SMAD4: variants seen among roughly 807,000 people sequenced by gnomAD.
SMAD4 encodes the protein SMAD family member 4.
SMAD4 carries 7 observed loss-of-function variants against 63.2 expected under a neutral mutation model. The ratio of observed to expected loss-of-function variants is 0.11; its 90% CI spans 0.06 to 0.21. The LOEUF is 0.21. Among genes scored for constraint, SMAD4 ranks in the 10% least tolerant of loss-of-function variants. SMAD4 has a pLI of 1.00. For synonymous variants in SMAD4, 215 were observed against 235.4 expected, an observed-to-expected ratio of 0.91 and a Z score of 0.79; for missense variants, 312 against 693.8, an observed-to-expected ratio of 0.45 and a Z score of 6.18.
At chr18:51,050,016 A>C (rs922722585) in intron 4 of SMAD4, among the ~76,000 whole-genome samples, 6 of 152,140 alleles carry the variant, frequency 3.9e-5, no homozygotes, top group Non-Finnish European at 8.8e-5. Flanking sequence ...AACTTAATAA[A>C]CTAAAATTTC....
chr18:51,058,762 G>T (rs929490705), intron 7 of SMAD4, among the ~76,000 whole-genome samples: 8 of 151,968 alleles, frequency 5.3e-5, no homozygotes, highest in African/African-American at 1.9e-4. Context: ...TCTGTGTCTT[G>T]TATATCCACG....
intron 8 of SMAD4, 109 bp downstream of exon 8, chr18:51,060,025 C>T: frequency 6.3e-6 from 5 of 788,632 alleles, no homozygotes; most frequent in Non-Finnish European, 1.1e-5. Context: ...CAGATGAGTA[C>T]AATACTCATC....
In SMAD4 at chr18:51,049,293, A is replaced by G; in HGVS notation, c.425-2A>G. 1 of 1,578,424 alleles carries G rather than the reference A, an allele frequency of 6.3e-7. No individual in the cohort carries two copies. Among genetic ancestry groups the G allele is most frequent in the Non-Finnish European group, 8.7e-7 (1 of 1,148,632 alleles). On this transcript the variant is annotated splice_acceptor_variant, in intron 3 of 11. Coordinates refer to ENST00000342988, the MANE Select transcript of SMAD4 (RefSeq NM_005359.6). LOFTEE classifies it high-confidence loss of function. ...ATTTGTTTTCCCCTTTAAACAATTA[A>G]GATCTCTCAGGATTAACACTGCAGA...
chr18:51,071,792 C>T (rs994931049), intron 10 of SMAD4, among the ~76,000 whole-genome samples: 3 of 152,198 alleles, frequency 2.0e-5, no homozygotes, highest in African/African-American at 4.8e-5. Flanking sequence ...TCTCCATTTC[C>T]ATTAGCTCTA....
intron 10 of SMAD4, among the ~76,000 whole-genome samples, chr18:51,069,134 T>C (rs756446241): frequency 1.8e-4 from 28 of 152,296 alleles, no homozygotes; most frequent in Non-Finnish European, 3.5e-4. Flanking sequence ...TTATTATTTT[T>C]GAGACAGAGT....
intron 1 of SMAD4, among the ~76,000 whole-genome samples, chr18:51,036,736 G>T (rs756597689): frequency 9.2e-5 from 14 of 152,320 alleles, no homozygotes; most frequent in Non-Finnish European, 1.6e-4. Context: ...CTTCCAGAGT[G>T]TTTTTTAAAG....
rs1390512743 is a variant in SMAD4 at position 51,058,308 on chromosome 18, G to A, written c.788-32G>A. On this transcript the variant is annotated intron_variant, in intron 6 of 11. Coordinates refer to ENST00000342988, the MANE Select transcript of SMAD4 (RefSeq NM_005359.6). The stretch of plus-strand genomic sequence containing the variant: ...AAAAAAGTAGGCAGCCTTTATAAAA[G>A]CAAATTAACCCATGTGGGCCTTAAT... 4.3e-6 allele frequency: 7 copies of A among 1,610,558 alleles called. No homozygotes were observed. In the Admixed American group the frequency reaches 1.2e-4, roughly 27 times the overall value.
intron 8 of SMAD4, among the ~76,000 whole-genome samples, chr18:51,062,414 A>G (rs1910037593): frequency 1.3e-5 from 2 of 152,306 alleles, no homozygotes; most frequent in South Asian, 4.1e-4. Flanking sequence ...GTCTCTGTCA[A>G]AACCTCTTTC....
At chr18:51,038,759 C>T (rs993096720) in intron 1 of SMAD4, among the ~76,000 whole-genome samples, 11 of 152,040 alleles carry the variant, frequency 7.2e-5, no homozygotes, top group African/African-American at 1.5e-4. Context: ...TTTATATTAA[C>T]GTAATGGGTT....
chr18:51,076,441 T>A (rs1191936701), intron 10 of SMAD4, among the ~76,000 whole-genome samples, 197 bp from the exon 11 acceptor site: 3 of 152,196 alleles, frequency 2.0e-5, no homozygotes, highest in African/African-American at 2.4e-5. Context: ...TGACATGATC[T>A]TCTTGGTGAG....
At chr18:51,040,759 AAAC>A (rs760554968) in intron 1 of SMAD4, among the ~76,000 whole-genome samples, 2 of 152,230 alleles carry the variant, frequency 1.3e-5, no homozygotes, top group Non-Finnish European at 2.9e-5. Context: ...GCTAGAGGAA[AAAC>A]AACAGGCAGA....
At chr18:51,052,303 A>ACTG (rs1363160554) in intron 4 of SMAD4, 2 of 152,424 alleles carry the variant, frequency 1.3e-5, no homozygotes, top group African/African-American at 2.4e-5. Context: ...AGATGAAGGG[A>ACTG]CTGCTACCTG....
chr18:51,076,294 A>G (rs1910469647), intron 10 of SMAD4, among the ~76,000 whole-genome samples: 1 of 152,182 alleles, frequency 6.6e-6, no homozygotes, highest in African/African-American at 2.4e-5. Context: ...AAAATTCAGC[A>G]ATTTGATTAT....
chr18:51,045,642 T>C (rs970472915), intron 1 of SMAD4, among the ~76,000 whole-genome samples: 7 of 152,214 alleles, frequency 4.6e-5, no homozygotes, highest in Non-Finnish European at 7.4e-5. Flanking sequence ...TATTGAGATA[T>C]AATTTCCATA....
chr18:51,052,212 C>A (rs1909730672), intron 4 of SMAD4: 1 of 152,432 alleles, frequency 6.6e-6, no homozygotes, highest in East Asian at 1.9e-4. Context: ...TCAGGTCAGA[C>A]TGAGCTAAAT....
intron 10 of SMAD4, among the ~76,000 whole-genome samples, chr18:51,068,000 A>C (rs1210452911): frequency 6.6e-6 from 1 of 152,196 alleles, no homozygotes; most frequent in Non-Finnish European, 1.5e-5. Context: ...TAGCCTAAAT[A>C]TATTTTTAAT....
intron 10 of SMAD4, among the ~76,000 whole-genome samples, chr18:51,071,904 T>G (rs1215138199): frequency 6.6e-6 from 1 of 152,264 alleles, no homozygotes; most frequent in African/African-American, 2.4e-5. Flanking sequence ...TTCTTTTCAC[T>G]AAGCATAATG....
intron 7 of SMAD4, among the ~76,000 whole-genome samples, chr18:51,059,547 A>G (rs763365799): frequency 2.0e-4 from 31 of 152,246 alleles, no homozygotes; most frequent in Non-Finnish European, 3.5e-4. Context: ...ATTGCATTAT[A>G]AATTGTACTG....
chr18:51,034,535 G>C (rs1167117759), intron 1 of SMAD4, among the ~76,000 whole-genome samples: 1 of 152,142 alleles, frequency 6.6e-6, no homozygotes, highest in Non-Finnish European at 1.5e-5. Flanking sequence ...ATAGGCATGA[G>C]CCACCGCGCC....
Sources: gnomAD v4.1 joint callset for allele counts (sites outside exome capture counted in the v4.1 genomes callset) on GRCh38, gnomAD v4.1.1 for gene constraint, MANE v1.5 for transcripts, NCBI Gene and HGNC (gene_info 2026-07-23, HGNC 2026-07-21) for gene names.